Variants in CADPS observed in about 807,000 individuals in gnomAD.
CADPS encodes the protein calcium dependent secretion activator, also known as calcium-dependent secretion activator 1.
CADPS carries 57 observed loss-of-function variants against 167.3 expected under a neutral mutation model. The ratio of observed to expected loss-of-function variants is 0.34; its 90% CI spans 0.28 to 0.42. CADPS has a LOEUF of 0.42. CADPS is among the 20% of genes least tolerant of loss of function. The pLI is 1.00. For synonymous variants in CADPS, 676 were observed against 635.3 expected (o/e 1.06, Z -0.96); for missense variants, 1,414 against 1,738.1 (o/e 0.81, Z 3.32).
chr3:62,594,129 T>A (rs574121902), intron 6 of CADPS, among the ~76,000 whole-genome samples: 60 of 150,410 alleles, frequency 4.0e-4, no homozygotes, highest in South Asian at 1.9e-3. Flanking sequence ...TGATTTTTTT[T>A]ATTTTTTTTA....
Position 62,874,943 on chromosome 3 carries a change from G to C in CADPS, c.87C>G (p.Ser29=), listed in dbSNP as rs1356170443. The C allele has an allele frequency of 6.5e-7, 1 of 1,539,866 alleles. No homozygotes were observed. The highest frequency in any genetic ancestry group is 8.7e-7 in the Non-Finnish European group (1 of 1,146,992). Residue 29 remains serine, a synonymous_variant, in exon 1 of 30, where the codon TCC becomes TCG. Coordinates refer to ENST00000383710, the MANE Select transcript of CADPS (RefSeq NM_003716.4). This position sits in a 1 kb window ranked among gnomAD's most constrained non-coding sequence, Gnocchi z 7.1. ...SGKEVLGSAP[S]GARLSPSRTS... ...TACGGCTGGGAGACAGGCGCGCGCCGGACGGGGCCGAGCCGAGCACCTCCT... is the reference window on the plus strand; with the variant it reads ...TACGGCTGGGAGACAGGCGCGCGCCCGACGGGGCCGAGCCGAGCACCTCCT...
chr3:62,549,847 T>C, intron 11 of CADPS, 56 bp downstream of exon 11: 1 of 1,344,972 alleles, frequency 7.4e-7, no homozygotes, highest in Non-Finnish European at 1.0e-6. Context: ...AATTCAACTT[T>C]GGAAGGTTTA....
At position 62,601,496 on chromosome 3, in the gene CADPS, C is replaced by T. The variant is rs940677804; in HGVS notation, c.1326-8748G>A. Among the ~76,000 whole-genome samples the T allele has an allele frequency of 2.0e-5, 3 of 152,180 alleles. No homozygotes were observed. Among genetic ancestry groups the T allele is most frequent in the Non-Finnish European group, 4.4e-5 (3 of 68,040 alleles). On this transcript the variant is annotated intron_variant, in intron 6 of 29. Coordinates refer to ENST00000383710, the MANE Select transcript of CADPS (RefSeq NM_003716.4). The surrounding 1 kb of genome is among the most constrained non-coding windows in gnomAD (Gnocchi z 4.3). The stretch of plus-strand genomic sequence containing the variant: ...CAGATTAGCAGAATGCTCATCTGGG[C>T]ATACCCACAAAGACGAACTATAAAC...
chr3:62,683,137 T>TTGTA (rs1405527360), intron 3 of CADPS, among the ~76,000 whole-genome samples: 1 of 152,014 alleles, frequency 6.6e-6, no homozygotes, highest in Admixed American at 6.6e-5. Context: ...GTGTGGGGTC[T>TTGTA]TGTAGATCAT....
Position 62,753,175 on chromosome 3 carries a change from C to G in CADPS, c.888+266G>C, listed in dbSNP as rs915800087. The stretch of plus-strand genomic sequence containing the variant: ...TGGAAAACAAGCCTTACTCATAGGG[C>G]CAACTTACCCATTAGACACAATGAG... On this transcript the variant is annotated intron_variant, in intron 3 of 29. Coordinates refer to ENST00000383710, the MANE Select transcript of CADPS (RefSeq NM_003716.4). This position sits in a 1 kb window ranked among gnomAD's most constrained non-coding sequence, Gnocchi z 4.6. 6.6e-6 allele frequency among the ~76,000 whole-genome samples: 1 copy of G among 152,100 alleles called. No homozygotes were observed. The highest frequency in any genetic ancestry group is 1.5e-5 in the Non-Finnish European group (1 of 68,046).
At chr3:62,724,211 T>C (rs1422220519) in intron 3 of CADPS, among the ~76,000 whole-genome samples, 1 of 152,216 alleles carries the variant, frequency 6.6e-6, no homozygotes, top group Non-Finnish European at 1.5e-5. Flanking sequence ...ATGGGCTCTT[T>C]GGAGACCACC....
chr3:62,826,257 A>G (rs953279415), intron 1 of CADPS, among the ~76,000 whole-genome samples: 6 of 152,110 alleles, frequency 3.9e-5, no homozygotes, highest in African/African-American at 1.4e-4. Context: ...ATCCTCCTAG[A>G]AGTTAGGAGA....
chr3:62,804,515 A>G (rs1202986572), intron 1 of CADPS, among the ~76,000 whole-genome samples: 1 of 152,066 alleles, frequency 6.6e-6, no homozygotes, highest in East Asian at 1.9e-4. Flanking sequence ...CCACTGACCT[A>G]GTTTAGACTC....
intron 6 of CADPS, among the ~76,000 whole-genome samples, chr3:62,628,945 C>A (rs922591758): frequency 1.3e-5 from 2 of 152,050 alleles, no homozygotes; most frequent in Admixed American, 6.6e-5. Flanking sequence ...CTTTTTGTAT[C>A]ATTCTGTAAA....
intron 28 of CADPS, among the ~76,000 whole-genome samples, chr3:62,410,932 C>T (rs796419553): frequency 2.6e-5 from 4 of 152,210 alleles, no homozygotes; most frequent in East Asian, 3.9e-4. Flanking sequence ...CAGTGAGACA[C>T]CGTCTCTACA....
intron 3 of CADPS, among the ~76,000 whole-genome samples, chr3:62,710,458 C>T (rs1437254671): frequency 1.3e-5 from 2 of 152,092 alleles, no homozygotes; most frequent in African/African-American, 4.8e-5. Flanking sequence ...CCATGCTTCA[C>T]GTTCCTCATA....
At chr3:62,402,468 C>T (rs1256956285) in intron 29 of CADPS, among the ~76,000 whole-genome samples, 1 of 152,040 alleles carries the variant, frequency 6.6e-6, no homozygotes, top group African/African-American at 2.4e-5. Context: ...TCATGTAAAC[C>T]ACTGAGATTT....
Position 62,777,224 on chromosome 3 carries a change from T to C in CADPS, c.442-11240A>G, listed in dbSNP as rs1235830946. 6.6e-5 allele frequency among the ~76,000 whole-genome samples: 10 copies of C among 152,174 alleles called. No individual in the cohort carries two copies. In the East Asian group the frequency reaches 1.9e-3, roughly 29 times the overall value. On this transcript the variant is annotated intron_variant, in intron 1 of 29. Transcript: ENST00000383710. ...ATTTCCAGAGAAAAAGCTGAAAATA[T>C]CTGAATGCAGTCTATGTACAGGTTA...
chr3:62,820,310 C>T (rs897274165), intron 1 of CADPS, among the ~76,000 whole-genome samples: 1 of 152,110 alleles, frequency 6.6e-6, no homozygotes, highest in Non-Finnish European at 1.5e-5. Flanking sequence ...AGGGAGATAG[C>T]ACTTTTCTGA....
intron 3 of CADPS, among the ~76,000 whole-genome samples, chr3:62,731,830 A>AAAAAAAAAAAAAAAAAAAG (rs71631128): frequency 1.1e-5 from 1 of 90,914 alleles, no homozygotes; most frequent in Non-Finnish European, 2.1e-5. Context: ...AAAAAAAAAA[A>AAAAAAAAAAAAAAAAAAAG]GTAAAGAAGG....
At chr3:62,434,645 G>A (rs924574787) in intron 28 of CADPS, among the ~76,000 whole-genome samples, 2 of 152,116 alleles carry the variant, frequency 1.3e-5, no homozygotes, top group Non-Finnish European at 2.9e-5. Flanking sequence ...ATGCTATGCC[G>A]ATAATCTCCC....
chr3:62,422,353 A>T (rs1428409818), intron 28 of CADPS, among the ~76,000 whole-genome samples: 5 of 152,246 alleles, frequency 3.3e-5, no homozygotes, highest in African/African-American at 7.2e-5. Flanking sequence ...CAATGCATAT[A>T]GGCCACTTTC....
intron 3 of CADPS, among the ~76,000 whole-genome samples, chr3:62,683,634 T>C (rs1200464765): frequency 6.6e-6 from 1 of 152,048 alleles, no homozygotes; most frequent in East Asian, 1.9e-4. Context: ...CTTAATTTAT[T>C]TGGACCTCAT....
intron 3 of CADPS, among the ~76,000 whole-genome samples, chr3:62,732,194 T>C (rs920090198): frequency 5.9e-5 from 9 of 152,228 alleles, no homozygotes; most frequent in Non-Finnish European, 1.0e-4. Flanking sequence ...CTGGACCTAG[T>C]GACTTGCTCC....
Sources: gnomAD v4.1 joint callset for allele counts (sites outside exome capture counted in the v4.1 genomes callset) on GRCh38, gnomAD v4.1.1 for gene constraint, Gnocchi (gnomAD v3.1) non-coding constraint, MANE v1.5 for transcripts, NCBI Gene and HGNC (gene_info 2026-07-23, HGNC 2026-07-21) for gene names.